CDH18: variants seen among roughly 807,000 people sequenced by gnomAD.
The protein encoded by CDH18 is cadherin-18.
Under a neutral mutation model 67.9 loss-of-function variants are expected in CDH18, and 31 were observed. The observed-to-expected ratio is 0.46, with a 90% CI of 0.34 to 0.62. CDH18 has a LOEUF of 0.62. CDH18 is among the 20% of genes least tolerant of loss of function. CDH18 has a pLI of 0.01. For missense variants in CDH18, 890 were observed against 975.5 expected (o/e 0.91, Z 1.17); for synonymous variants, 362 against 347.2 (o/e 1.04, Z -0.48).
chr5:20,561,460 A>G (rs1561132775), intron 1 of CDH18, among the ~76,000 whole-genome samples: 1 of 152,088 alleles, frequency 6.6e-6, no homozygotes, highest in Admixed American at 6.6e-5. Flanking sequence ...AAAGACATGG[A>G]GCAACCTTAA....
At chr5:20,064,657 A>T (rs933609369) in intron 2 of CDH18, among the ~76,000 whole-genome samples, 1 of 152,046 alleles carries the variant, frequency 6.6e-6, no homozygotes, top group Non-Finnish European at 1.5e-5. Flanking sequence ...CTTTTGCTTC[A>T]CAGAAGGTTT....
intron 2 of CDH18, among the ~76,000 whole-genome samples, chr5:20,009,033 T>TA (rs1228174415): frequency 6.6e-6 from 1 of 152,164 alleles, no homozygotes; most frequent in East Asian, 1.9e-4. Context: ...GTACTGATTT[T>TA]ATACATCTGT....
At chr5:20,339,781 T>C (rs1580790118) in intron 1 of CDH18, among the ~76,000 whole-genome samples, 1 of 152,196 alleles carries the variant, frequency 6.6e-6, no homozygotes, top group African/African-American at 2.4e-5. Context: ...AATGCTGATA[T>C]GTATATAGAA....
At chr5:20,566,117 G>T (rs1758488856) in intron 1 of CDH18, among the ~76,000 whole-genome samples, 1 of 151,966 alleles carries the variant, frequency 6.6e-6, no homozygotes, top group Non-Finnish European at 1.5e-5. Context: ...GTAAAGTCAG[G>T]AGATACTAAG....
At chr5:20,342,057 A>G (rs189835184) in intron 1 of CDH18, among the ~76,000 whole-genome samples, 1 of 152,252 alleles carries the variant, frequency 6.6e-6, no homozygotes, top group East Asian at 1.9e-4. Context: ...GCCCTGAGTA[A>G]GAGTTTTGTC....
chr5:19,942,947 G>A (rs761554537), intron 2 of CDH18, among the ~76,000 whole-genome samples: 10 of 152,104 alleles, frequency 6.6e-5, no homozygotes, highest in East Asian at 1.9e-4. Context: ...GACCCATGTC[G>A]GGGGCTAAGG....
At chr5:19,522,105 A>G (rs1746991966) in intron 9 of CDH18, among the ~76,000 whole-genome samples, 1 of 152,144 alleles carries the variant, frequency 6.6e-6, no homozygotes, top group Admixed American at 6.5e-5. Context: ...AGGTACAGAA[A>G]AGAAGTAAAT....
At chr5:20,260,658 A>C (rs145181639) in intron 1 of CDH18, among the ~76,000 whole-genome samples, 2,077 of 152,274 alleles carry the variant, frequency 0.014, 31 homozygotes, top group South Asian at 0.03. Flanking sequence ...GGTAGGATCT[A>C]AGAATATGAT....
At chr5:20,351,569 A>G (rs1001665699) in intron 1 of CDH18, among the ~76,000 whole-genome samples, 2 of 133,248 alleles carry the variant, frequency 1.5e-5, no homozygotes, top group African/African-American at 5.6e-5. Context: ...TCCATACAGT[A>G]TCACCATGTA....
At chr5:20,183,999 C>G (rs1304856193) in intron 2 of CDH18, among the ~76,000 whole-genome samples, 4 of 151,992 alleles carry the variant, frequency 2.6e-5, no homozygotes, top group African/African-American at 4.8e-5. Context: ...TAAGCATTTT[C>G]TTGCTTGAGT....
intron 1 of CDH18, among the ~76,000 whole-genome samples, chr5:20,539,198 C>T (rs909412974): frequency 2.6e-5 from 4 of 152,008 alleles, no homozygotes; most frequent in Non-Finnish European, 5.9e-5. Context: ...GTGGCAACTT[C>T]TTATAATCAG....
At chr5:20,470,548 A>C (rs891232756) in intron 1 of CDH18, among the ~76,000 whole-genome samples, 1 of 151,996 alleles carries the variant, frequency 6.6e-6, no homozygotes. Context: ...TTGTTTCCAA[A>C]TTTGCTGAGA....
rs1736355988 is a variant in CDH18, at chr5:20,305,581, C to T, written c.-579-50076G>A. On this transcript the variant is annotated intron_variant, in intron 1 of 14. Transcript: ENST00000507958. The stretch of plus-strand genomic sequence containing the variant: ...TGAGGGCGCTCGGCCGCTTCCGGTC[C>T]TGCGCTGCGGGCCTCAGAGGACTTG... 9 of 591,398 alleles carry T rather than the reference C, an allele frequency of 1.5e-5. No homozygotes were observed. The South Asian group carries it at 1.7e-4, about 11-fold the overall frequency. The allele number at this position is 591,398 out of a possible 1,614,324, so 36.6% of individuals were successfully genotyped here.
At chr5:20,136,375 T>C (rs1749715991) in intron 2 of CDH18, among the ~76,000 whole-genome samples, 1 of 152,224 alleles carries the variant, frequency 6.6e-6, no homozygotes, top group South Asian at 2.1e-4. Context: ...TCTTTGTTGG[T>C]TTAAAGTCTG....
intron 1 of CDH18, chr5:20,305,438 C>CTT: frequency 1.3e-6 from 2 of 1,523,136 alleles, no homozygotes; most frequent in East Asian, 4.5e-5. Flanking sequence ...TCCTTCTCGG[C>CTT]TTTTGGCCAT....
intron 2 of CDH18, among the ~76,000 whole-genome samples, chr5:19,905,512 A>C (rs1320602725): frequency 6.6e-6 from 1 of 151,944 alleles, no homozygotes; most frequent in Admixed American, 6.6e-5. Flanking sequence ...TATAATTTAT[A>C]TGTATACGTA....
At chr5:19,578,013 G>C (rs979263820) in intron 7 of CDH18, among the ~76,000 whole-genome samples, 2 of 152,118 alleles carry the variant, frequency 1.3e-5, no homozygotes, top group African/African-American at 4.8e-5. Context: ...AACAACTGGA[G>C]CCTTCAGAAG....
chr5:19,822,132 G>T (rs1779937402), intron 3 of CDH18, among the ~76,000 whole-genome samples: 1 of 152,128 alleles, frequency 6.6e-6, no homozygotes, highest in African/African-American at 2.4e-5. Context: ...AATTAAACTT[G>T]AATGTAGGTG....
chr5:20,475,431 C>A (rs1752370823), intron 1 of CDH18, among the ~76,000 whole-genome samples: 1 of 152,016 alleles, frequency 6.6e-6, no homozygotes, highest in African/African-American at 2.4e-5. Flanking sequence ...CAACAAAAGC[C>A]ATTGATAGGC....
Sources: allele counts gnomAD v4.1 joint callset (sites outside exome capture counted in the v4.1 genomes callset), GRCh38; gene constraint gnomAD v4.1.1; transcripts MANE v1.5; gene names NCBI Gene and HGNC (gene_info 2026-07-23, HGNC 2026-07-21).